The following MDGA2 variants were observed in gnomAD, a reference collection of about 807,000 sequenced individuals.
MDGA2 encodes MAM domain-containing glycosylphosphatidylinositol anchor protein 2.
MDGA2 carries 40 observed loss-of-function variants against 117.8 expected under a neutral mutation model. The observed-to-expected ratio is 0.34, with a 90% CI of 0.26 to 0.44. MDGA2 has a LOEUF of 0.44. Ranked by LOEUF, MDGA2 falls within the 20% of genes least tolerant of loss-of-function variation. The probability of loss-of-function intolerance (pLI) is 1.00; values close to 1 mark genes in which losing one functional copy is unlikely to be tolerated. For missense variants in MDGA2, 1,123 were observed against 1,250.6 expected, an observed-to-expected ratio of 0.90 and a Z score of 1.54; for synonymous variants, 452 against 439.0, an observed-to-expected ratio of 1.03 and a Z score of -0.37.
At chr14:46,864,872 C>T (rs531745178) in intron 14 of MDGA2, among the ~76,000 whole-genome samples, 1 of 152,090 alleles carries the variant, frequency 6.6e-6, no homozygotes, top group South Asian at 2.1e-4. Flanking sequence ...CTTCAAGGAA[C>T]TTAATTCTGA....
intron 9 of MDGA2, among the ~76,000 whole-genome samples, chr14:46,933,093 T>C (rs1280838898): frequency 2.6e-5 from 4 of 152,052 alleles, no homozygotes; most frequent in Non-Finnish European, 5.9e-5. Context: ...TGAAAACATA[T>C]CTGTTTTACC....
intron 8 of MDGA2, among the ~76,000 whole-genome samples, chr14:46,963,235 C>T (rs7160949): frequency 6.6e-6 from 1 of 152,048 alleles, no homozygotes; most frequent in Admixed American, 6.6e-5. Context: ...GGAGCTTATA[C>T]ATTTGTCACT....
At chr14:47,043,935 G>A (rs1193240166) in intron 7 of MDGA2, among the ~76,000 whole-genome samples, 1 of 152,052 alleles carries the variant, frequency 6.6e-6, no homozygotes, top group Non-Finnish European at 1.5e-5. Context: ...CCATGTCTCT[G>A]AATTAGAGCA....
intron 1 of MDGA2, among the ~76,000 whole-genome samples, chr14:47,398,821 T>C (rs953730834): frequency 1.3e-5 from 2 of 152,210 alleles, no homozygotes; most frequent in African/African-American, 2.4e-5. Context: ...TGAGTCTCTA[T>C]GTAGTACAAA....
chr14:47,572,034 C>G (rs763368608), intron 1 of MDGA2, among the ~76,000 whole-genome samples: 16 of 152,194 alleles, frequency 1.1e-4, no homozygotes, highest in Non-Finnish European at 1.6e-4. Flanking sequence ...GGTTTTTGGT[C>G]TCCACCATTT....
chr14:47,024,611 C>T (rs1277461598), intron 8 of MDGA2, among the ~76,000 whole-genome samples: 2 of 151,988 alleles, frequency 1.3e-5, no homozygotes, highest in Non-Finnish European at 2.9e-5. Context: ...TCTAGAAAAA[C>T]ATTTTAAAAC....
chr14:47,637,949 T>TC (rs1350198561), intron 1 of MDGA2, among the ~76,000 whole-genome samples: 2 of 152,210 alleles, frequency 1.3e-5, no homozygotes, highest in Non-Finnish European at 2.9e-5. Flanking sequence ...CAACTCTGAT[T>TC]CATTTGCTTA....
chr14:47,543,181 G>T (rs1895387426), intron 1 of MDGA2, among the ~76,000 whole-genome samples: 1 of 152,116 alleles, frequency 6.6e-6, no homozygotes, highest in Non-Finnish European at 1.5e-5. Flanking sequence ...CTGCACTCCA[G>T]CCTAGGTAAC....
intron 1 of MDGA2, among the ~76,000 whole-genome samples, chr14:47,351,227 G>A (rs1253735075): frequency 1.3e-5 from 2 of 151,920 alleles, no homozygotes; most frequent in South Asian, 2.1e-4. Flanking sequence ...GATTACAGGC[G>A]CCTGCCACCA....
At chr14:47,626,876 G>C (rs1897154778) in intron 1 of MDGA2, among the ~76,000 whole-genome samples, 1 of 152,256 alleles carries the variant, frequency 6.6e-6, no homozygotes, top group Non-Finnish European at 1.5e-5. Context: ...ACCGCCCAAG[G>C]GCTGCGGAGT....
intron 1 of MDGA2, among the ~76,000 whole-genome samples, chr14:47,320,311 G>A (rs1435824834): frequency 6.6e-6 from 1 of 152,118 alleles, no homozygotes; most frequent in African/African-American, 2.4e-5. Context: ...GAGCCCAGGA[G>A]TTCAAGGCTG....
At chr14:47,349,951 C>A (rs1890843507) in intron 1 of MDGA2, among the ~76,000 whole-genome samples, 1 of 152,222 alleles carries the variant, frequency 6.6e-6, no homozygotes, top group Non-Finnish European at 1.5e-5. Context: ...GCTATCACAT[C>A]AGATACATCC....
chr14:47,309,485 GATT>G (rs1889565558), intron 1 of MDGA2, among the ~76,000 whole-genome samples: 1 of 152,054 alleles, frequency 6.6e-6, no homozygotes, highest in East Asian at 1.9e-4. Flanking sequence ...GAAAGGCCTT[GATT>G]ATTAAAGGTT....
At chr14:47,666,186 A>C (rs1182267615) in intron 1 of MDGA2, among the ~76,000 whole-genome samples, 1 of 150,680 alleles carries the variant, frequency 6.6e-6, no homozygotes, top group Non-Finnish European at 1.5e-5. Context: ...TATCTAGCTA[A>C]TCTGGTGGGG....
intron 9 of MDGA2, among the ~76,000 whole-genome samples, chr14:46,929,386 G>A (rs1884448816): frequency 6.6e-6 from 1 of 150,956 alleles, no homozygotes; most frequent in Admixed American, 6.6e-5. Context: ...AAGGGAAAAT[G>A]AATATTAGGA....
intron 1 of MDGA2, among the ~76,000 whole-genome samples, chr14:47,614,579 A>G (rs1384767211): frequency 9.2e-5 from 14 of 152,216 alleles, no homozygotes; most frequent in Non-Finnish European, 2.9e-5. Context: ...ATAAATTAGA[A>G]GTGTTCACCA....
chr14:47,380,046 C>G (rs113717766), intron 1 of MDGA2, among the ~76,000 whole-genome samples: 112 of 152,254 alleles, frequency 7.4e-4, no homozygotes, highest in African/African-American at 2.6e-3. Context: ...TGCAATCAAA[C>G]TAGAACCCAG....
At chr14:46,902,532 C>G (rs1473466501) in intron 10 of MDGA2, among the ~76,000 whole-genome samples, 1 of 151,968 alleles carries the variant, frequency 6.6e-6, no homozygotes, top group Non-Finnish European at 1.5e-5. Context: ...AAAATATTTG[C>G]TTTCTTTTCT....
chr14:47,410,488 A>C (rs539772407), intron 1 of MDGA2, among the ~76,000 whole-genome samples: 15 of 152,094 alleles, frequency 9.9e-5, no homozygotes, highest in South Asian at 6.2e-4. Context: ...ACTCTTCTTA[A>C]AGTTTGTCTT....
Sources: allele counts gnomAD v4.1 joint callset (sites outside exome capture counted in the v4.1 genomes callset), GRCh38; gene constraint gnomAD v4.1.1; transcripts MANE v1.5; gene names NCBI Gene and HGNC (gene_info 2026-07-23, HGNC 2026-07-21).